Variants in RSU1 observed in about 807,000 individuals in gnomAD.
RSU1 encodes Ras suppressor protein 1, also known as rsu-1.
A neutral mutation model predicts 31.1 loss-of-function variants in RSU1; 26 were observed. The ratio of observed to expected loss-of-function variants is 0.84; its 90% CI spans 0.61 to 1.16. RSU1 has a LOEUF of 1.16. Among genes scored for constraint, RSU1 ranks in the 50% most tolerant of loss-of-function variants. The probability of loss-of-function intolerance (pLI) is 0.00; values close to 1 mark genes in which losing one functional copy is unlikely to be tolerated. For synonymous variants in RSU1, 164 were observed against 136.3 expected (o/e 1.20, Z -1.41); for missense variants, 320 against 339.1 (o/e 0.94, Z 0.44).
chr10:16,658,090 GTTGC>G (rs1834823916), intron 8 of RSU1, among the ~76,000 whole-genome samples: 1 of 152,234 alleles, frequency 6.6e-6, no homozygotes, highest in Non-Finnish European at 1.5e-5. Flanking sequence ...ACAGGGCTCA[GTTGC>G]TTGATTTCTC....
At chr10:16,777,158 T>C (rs150764470) in intron 3 of RSU1, among the ~76,000 whole-genome samples, 3 of 152,300 alleles carry the variant, frequency 2.0e-5, no homozygotes, top group Admixed American at 6.5e-5. Context: ...TTGAGCAGTA[T>C]ACGAATCAGC....
intron 7 of RSU1, among the ~76,000 whole-genome samples, chr10:16,726,482 G>T (rs557493239): frequency 1.3e-5 from 2 of 152,054 alleles, no homozygotes; most frequent in Non-Finnish European, 2.9e-5. Flanking sequence ...GGCCAGGATG[G>T]TCCCGATATC....
chr10:16,791,307 G>A (rs886275364), intron 2 of RSU1, among the ~76,000 whole-genome samples: 1 of 151,966 alleles, frequency 6.6e-6, no homozygotes, highest in African/African-American at 2.4e-5. Flanking sequence ...GATTACAGGC[G>A]TGAGCCACCT....
At chr10:16,596,130 G>C (rs924981226) in intron 8 of RSU1, among the ~76,000 whole-genome samples, 2 of 152,118 alleles carry the variant, frequency 1.3e-5, no homozygotes, top group African/African-American at 2.4e-5. Flanking sequence ...GTTTAGATAG[G>C]GAGTAAAGTT....
chr10:16,644,112 G>C (rs557717094), intron 8 of RSU1, among the ~76,000 whole-genome samples: 30 of 151,766 alleles, frequency 2.0e-4, no homozygotes, highest in Non-Finnish European at 2.8e-4. Flanking sequence ...TGGTGGGGGG[G>C]GGTCCTAGAA....
At chr10:16,609,528 G>A (rs1028927956) in intron 8 of RSU1, among the ~76,000 whole-genome samples, 7 of 152,264 alleles carry the variant, frequency 4.6e-5, no homozygotes, top group African/African-American at 1.7e-4. Context: ...AAAGCGTGGG[G>A]TGGAGATGGC....
At chr10:16,681,669 C>T (rs1436523118) in intron 8 of RSU1, among the ~76,000 whole-genome samples, 2 of 151,972 alleles carry the variant, frequency 1.3e-5, no homozygotes, top group African/African-American at 4.8e-5. Context: ...TAGTTTGAAA[C>T]TTGAGCTGTG....
intron 3 of RSU1, among the ~76,000 whole-genome samples, chr10:16,772,146 TG>T (rs1837435234): frequency 6.6e-6 from 1 of 152,096 alleles, no homozygotes; most frequent in Non-Finnish European, 1.5e-5. Context: ...ACCAGCAATG[TG>T]AAAAATCAAT....
intron 7 of RSU1, among the ~76,000 whole-genome samples, chr10:16,750,357 G>A (rs1186206338): frequency 3.9e-5 from 6 of 151,954 alleles, no homozygotes; most frequent in East Asian, 1.9e-4. Flanking sequence ...TTCTACATAC[G>A]GCTCGCAAAA....
intron 8 of RSU1, among the ~76,000 whole-genome samples, chr10:16,690,384 T>C (rs1344724057): frequency 6.6e-6 from 1 of 152,134 alleles, no homozygotes; most frequent in Admixed American, 6.5e-5. Context: ...CAAGTTCCCC[T>C]GTGGAAGGCA....
intron 7 of RSU1, among the ~76,000 whole-genome samples, chr10:16,717,682 A>G (rs1269768794): frequency 1.3e-5 from 2 of 152,222 alleles, no homozygotes; most frequent in Admixed American, 1.3e-4. Flanking sequence ...ATTACTCCAC[A>G]GTCAAGCACA....
chr10:16,802,303 G>A (rs976629467), intron 2 of RSU1, among the ~76,000 whole-genome samples: 8 of 151,862 alleles, frequency 5.3e-5, no homozygotes, highest in African/African-American at 1.9e-4. Flanking sequence ...ACAACTCAAT[G>A]TCCAAAAATG....
At chr10:16,774,770 T>C (rs959055744) in intron 3 of RSU1, among the ~76,000 whole-genome samples, 1 of 152,170 alleles carries the variant, frequency 6.6e-6, no homozygotes, top group African/African-American at 2.4e-5. Flanking sequence ...GGGTTGTAGT[T>C]TTCACTCTAT....
rs563486031 is a variant in RSU1, at chr10:16,682,537, C to T, written c.731+12486G>A. Among the ~76,000 whole-genome samples, 13 of 141,442 alleles carry T rather than the reference C, an allele frequency of 9.2e-5. 1 individual carries two copies. In the South Asian group the frequency reaches 3.2e-3, roughly 35 times the overall value. 92.8% of individuals were successfully genotyped at this position (141,442 alleles called of 152,430 possible). A position where few individuals can be genotyped will look rare whatever the true frequency, so the allele number is the denominator to read the frequency against. On this transcript the variant is annotated intron_variant, in intron 8 of 8. Coordinates refer to ENST00000345264, the MANE Select transcript of RSU1 (RefSeq NM_012425.4). ...CCATGGTCTTTTAAAATCATTCATA[C>T]ACACACACACACACACACACACACA...
chr10:16,627,653 A>T (rs1834180558), intron 8 of RSU1, among the ~76,000 whole-genome samples: 1 of 150,724 alleles, frequency 6.6e-6, no homozygotes, highest in African/African-American at 2.4e-5. Flanking sequence ...GCTACTCAGG[A>T]GGCTGAGGCA....
Position 16,760,537 on chromosome 10 carries a change from A to G in RSU1, c.281+3853T>C, listed in dbSNP as rs1415980257. Among the ~76,000 whole-genome samples the G allele has an allele frequency of 7.2e-5, 11 of 152,042 alleles. No homozygotes were observed. The East Asian group carries it at 2.1e-3, about 29-fold the overall frequency. On this transcript the variant is annotated intron_variant, in intron 4 of 8. Transcript: ENST00000345264. The stretch of plus-strand genomic sequence containing the variant: ...AAAAAGAAAAAAAAAAAAAAAGAAA[A>G]GTGTACGACTCTGTCCTCTGCTGCC...
chr10:16,817,332 A>G lies in RSU1; in HGVS notation c.-21T>C. 1 of 480,046 alleles carries G rather than the reference A, an allele frequency of 2.1e-6. No homozygotes were observed. Among genetic ancestry groups the G allele is most frequent in the East Asian group, 3.8e-5 (1 of 26,346 alleles). The allele number at this position is 480,046 out of a possible 1,614,324, so 29.7% of individuals were successfully genotyped here. A position where few individuals can be genotyped will look rare whatever the true frequency, so the allele number is the denominator to read the frequency against. ...ACACTCACCACGGAAGGTAGCCCCT[A>G]AGACGATGGGCGTGCAACCACAAGC... is the stretch of plus-strand genomic sequence containing the variant. On this transcript the variant is annotated 5_prime_UTR_variant, in exon 1 of 9. Coordinates refer to ENST00000345264, the MANE Select transcript of RSU1 (RefSeq NM_012425.4).
chr10:16,700,225 C>T (rs1250410496), intron 7 of RSU1, among the ~76,000 whole-genome samples: 2 of 152,122 alleles, frequency 1.3e-5, no homozygotes, highest in Non-Finnish European at 2.9e-5. Flanking sequence ...GTAGCATTCC[C>T]TCCCTTCCTA....
intron 4 of RSU1, among the ~76,000 whole-genome samples, chr10:16,763,236 T>C (rs536537277): frequency 3.3e-5 from 5 of 152,224 alleles, no homozygotes; most frequent in East Asian, 1.9e-4. Flanking sequence ...TGTTCTCCCA[T>C]TGCTATAAAG....
Sources: gnomAD v4.1 joint callset for allele counts (sites outside exome capture counted in the v4.1 genomes callset) on GRCh38, gnomAD v4.1.1 for gene constraint, MANE v1.5 for transcripts, NCBI Gene and HGNC (gene_info 2026-07-23, HGNC 2026-07-21) for gene names.